Variants in CSGALNACT1 observed in about 807,000 individuals in gnomAD.
The protein encoded by CSGALNACT1 is beta4GalNAcT-1.
Under a neutral mutation model 51.0 loss-of-function variants are expected in CSGALNACT1, and 52 were observed. That is an observed-to-expected ratio of 1.02 (90% CI 0.82 to 1.29). CSGALNACT1 has a LOEUF of 1.29. Ranked by LOEUF, CSGALNACT1 falls within the 50% of genes most tolerant of loss-of-function variation. The probability of loss-of-function intolerance (pLI) is 0.00; values close to 1 mark genes in which losing one functional copy is unlikely to be tolerated. For synonymous variants in CSGALNACT1, 341 were observed against 254.4 expected, an observed-to-expected ratio of 1.34 and a Z score of -3.24; for missense variants, 935 against 679.2, an observed-to-expected ratio of 1.38 and a Z score of -4.19.
At chr8:19,616,952 G>A (rs563631559) in intron 1 of CSGALNACT1, among the ~76,000 whole-genome samples, 5 of 152,160 alleles carry the variant, frequency 3.3e-5, no homozygotes, top group Admixed American at 6.5e-5. Context: ...CTCATTTCAC[G>A]TACTGTGCAC....
At chr8:19,669,626 G>T (rs970024033) in intron 1 of CSGALNACT1, among the ~76,000 whole-genome samples, 2 of 151,528 alleles carry the variant, frequency 1.3e-5, no homozygotes, top group Non-Finnish European at 2.9e-5. Flanking sequence ...CCAGTTTTTT[G>T]TTTGTTTGTT....
chr8:19,587,246 G>C (rs1288125286), intron 3 of CSGALNACT1, among the ~76,000 whole-genome samples: 1 of 152,174 alleles, frequency 6.6e-6, no homozygotes, highest in Non-Finnish European at 1.5e-5. Flanking sequence ...CTGGGAATAG[G>C]CTTGGGCATC....
intron 3 of CSGALNACT1, among the ~76,000 whole-genome samples, chr8:19,582,292 T>G (rs1478871222): frequency 3.3e-5 from 5 of 152,150 alleles, no homozygotes; most frequent in Non-Finnish European, 5.9e-5. Context: ...CAGACAAACC[T>G]GGTAAGGAAA....
At chr8:19,503,748 T>C (rs1376356271) in intron 4 of CSGALNACT1, among the ~76,000 whole-genome samples, 1 of 152,096 alleles carries the variant, frequency 6.6e-6, no homozygotes, top group African/African-American at 2.4e-5. Context: ...CTCCTGAACA[T>C]TCTAGACATT....
At position 19,427,863 on chromosome 8, in the gene CSGALNACT1, G is replaced by T. The variant is rs184261593; in HGVS notation, c.954-7345C>A. ...AGCCCTCATGCACCTTTGCCACAGGGAAGTGTGAGTAACTGTGCACAAGGC... is the reference window on the plus strand; with the variant it reads ...AGCCCTCATGCACCTTTGCCACAGGTAAGTGTGAGTAACTGTGCACAAGGC... On this transcript the variant is annotated intron_variant, in intron 6 of 9. Coordinates refer to ENST00000454498, the Ensembl canonical transcript of CSGALNACT1. Among the ~76,000 whole-genome samples, 4 of 152,276 alleles carry T rather than the reference G, an allele frequency of 2.6e-5. No homozygotes were observed. The East Asian group carries it at 7.7e-4, about 29-fold the overall frequency.
At chr8:19,458,004 G>A (rs115104159) in intron 5 of CSGALNACT1, among the ~76,000 whole-genome samples, 3,355 of 152,270 alleles carry the variant, frequency 0.022, 132 homozygotes, top group African/African-American at 0.076. Context: ...AGCCAATCAA[G>A]AACACCTTGC....
At chr8:19,588,909 A>G (rs1048352451) in intron 3 of CSGALNACT1, among the ~76,000 whole-genome samples, 5 of 152,138 alleles carry the variant, frequency 3.3e-5, no homozygotes, top group African/African-American at 1.2e-4. Context: ...AGCCTGACAC[A>G]TTACTCAATG....
At chr8:19,420,428 C>A in exon 7 of CSGALNACT1, 1 of 1,614,210 alleles carries the variant, frequency 6.2e-7, no homozygotes, top group Non-Finnish European at 8.5e-7. Context: ...CGTTGCTTCC[C>A]TTCCAGAAGC....
At chr8:19,686,745 A>G (rs1486157976), upstream of CSGALNACT1, among the ~76,000 whole-genome samples, 1 of 152,212 alleles carries the variant, frequency 6.6e-6, no homozygotes, top group African/African-American at 2.4e-5. Flanking sequence ...ACATTCAGAA[A>G]TTTAACAACC....
At chr8:19,604,353 T>C (rs375078409), upstream of CSGALNACT1, among the ~76,000 whole-genome samples, 17 of 152,288 alleles carry the variant, frequency 1.1e-4, no homozygotes, top group East Asian at 2.7e-3. Context: ...AATGTGTCCA[T>C]ACACCACACA....
At chr8:19,566,793 G>A (rs2041989906) in intron 3 of CSGALNACT1, among the ~76,000 whole-genome samples, 6 of 152,094 alleles carry the variant, frequency 3.9e-5, no homozygotes, top group Non-Finnish European at 8.8e-5. Context: ...CATAAAAGAG[G>A]ATAACAACAG....
At chr8:19,681,542 C>G (rs182623786) in intron 1 of CSGALNACT1, among the ~76,000 whole-genome samples, 28 of 152,298 alleles carry the variant, frequency 1.8e-4, no homozygotes, top group Non-Finnish European at 3.1e-4. Flanking sequence ...GGGTCTGCAT[C>G]AGGTAAGTGG....
At chr8:19,613,889 G>A (rs1365853796) in intron 1 of CSGALNACT1, among the ~76,000 whole-genome samples, 1 of 152,140 alleles carries the variant, frequency 6.6e-6, no homozygotes, top group Non-Finnish European at 1.5e-5. Context: ...GTATACCAGT[G>A]TCCATCCAGT....
intron 3 of CSGALNACT1, among the ~76,000 whole-genome samples, chr8:19,544,445 T>C (rs1490937152): frequency 6.6e-6 from 1 of 152,056 alleles, no homozygotes; most frequent in Non-Finnish European, 1.5e-5. Context: ...TATGACATTT[T>C]TATTTTTTTC....
intron 6 of CSGALNACT1, among the ~76,000 whole-genome samples, chr8:19,427,592 TCCTGGCTAAC>T (rs2058970222): frequency 6.6e-6 from 1 of 151,914 alleles, no homozygotes; most frequent in Non-Finnish European, 1.5e-5. Context: ...ATCGAGACCA[TCCTGGCTAAC>T]ACGGTGAAAC....
chr8:19,453,807 G>T (rs930783788), intron 5 of CSGALNACT1, among the ~76,000 whole-genome samples: 1 of 152,044 alleles, frequency 6.6e-6, no homozygotes, highest in East Asian at 1.9e-4. Flanking sequence ...AGCTACTCGG[G>T]AGGCTGAGGT....
chr8:19,745,921 G>A (rs2064630503), intron 1 of CSGALNACT1, among the ~76,000 whole-genome samples: 1 of 152,084 alleles, frequency 6.6e-6, no homozygotes, highest in Non-Finnish European at 1.5e-5. Flanking sequence ...GTAAGGAAGG[G>A]GAGTTGGCCA....
At chr8:19,740,003 G>A (rs955564491) in intron 1 of CSGALNACT1, among the ~76,000 whole-genome samples, 14 of 152,160 alleles carry the variant, frequency 9.2e-5, no homozygotes, top group Non-Finnish European at 1.6e-4. Context: ...AGGTTTTCCA[G>A]GGGCTCCCTG....
chr8:19,563,819 C>T (rs917262040), intron 3 of CSGALNACT1, among the ~76,000 whole-genome samples: 1 of 152,156 alleles, frequency 6.6e-6, no homozygotes, highest in Non-Finnish European at 1.5e-5. Context: ...ACAGTCTAGC[C>T]TTCCTTGCGT....
Sources: allele counts gnomAD v4.1 joint callset (sites outside exome capture counted in the v4.1 genomes callset), GRCh38; gene constraint gnomAD v4.1.1; transcripts MANE v1.5; gene names NCBI Gene and HGNC (gene_info 2026-07-23, HGNC 2026-07-21).